The following ZNF674 variants were observed in gnomAD, a reference collection of about 807,000 sequenced individuals.
The protein encoded by ZNF674 is zinc finger protein 674, also known as zinc finger family member 674.
A neutral mutation model predicts 7.0 loss-of-function variants in ZNF674; 2 were observed. The observed-to-expected ratio is 0.29, with a 90% CI of 0.12 to 0.90. The LOEUF (loss-of-function observed/expected upper bound fraction) is 0.90. Ranked by LOEUF, ZNF674 falls within the 40% of genes least tolerant of loss-of-function variation. The probability of loss-of-function intolerance (pLI) is 0.57; values close to 1 mark genes in which losing one functional copy is unlikely to be tolerated. For missense variants in ZNF674, 297 were observed against 415.5 expected (o/e 0.71, Z 2.48); for synonymous variants, 103 against 145.2 (o/e 0.71, Z 2.09).
intron 5 of ZNF674, among the ~76,000 whole-genome samples, chrX:46,510,250 T>A (rs1272122051): frequency 9.1e-6 from 1 of 109,819 alleles, no homozygotes; most frequent in Non-Finnish European, 1.9e-5. Flanking sequence ...GTAACTAACC[T>A]GCACATTGTG....
At chrX:46,502,218 A>T (rs1941445628) in intron 5 of ZNF674, among the ~76,000 whole-genome samples, 1 of 105,231 alleles carries the variant, frequency 9.5e-6, no homozygotes, top group South Asian at 4.4e-4. Flanking sequence ...AGGCAGGAGA[A>T]TTGCTTGAAG....
At chrX:46,529,265 GGA>G (rs1942065540) in intron 3 of ZNF674, 3 of 222,546 alleles carry the variant, frequency 1.3e-5, no homozygotes, top group Non-Finnish European at 2.5e-5. Flanking sequence ...GAACTTTATA[GGA>G]GAAAGAGATA....
At chrX:46,502,375 G>A (rs920950485) in intron 5 of ZNF674, among the ~76,000 whole-genome samples, 3 of 108,863 alleles carry the variant, frequency 2.8e-5, no homozygotes, top group Non-Finnish European at 3.8e-5. Context: ...AGAATTGACC[G>A]ATACATTTAA....
chrX:46,531,346 G>A, intron 3 of ZNF674, among the ~76,000 whole-genome samples: 1 of 111,914 alleles, frequency 8.9e-6, no homozygotes, highest in Non-Finnish European at 1.9e-5. Context: ...CAAACACCAG[G>A]AGGGAGTCAA....
chrX:46,515,246 G>A (rs989808504), intron 5 of ZNF674, among the ~76,000 whole-genome samples: 1 of 109,948 alleles, frequency 9.1e-6, no homozygotes, highest in African/African-American at 3.3e-5. Flanking sequence ...GTGTACGCCT[G>A]TAATCCCAGC....
intron 3 of ZNF674, among the ~76,000 whole-genome samples, chrX:46,537,177 A>G: frequency 9.0e-6 from 1 of 111,318 alleles, no homozygotes; most frequent in East Asian, 2.8e-4. Flanking sequence ...AGGCTGAGAA[A>G]GGAGAATCTC....
intron 3 of ZNF674, among the ~76,000 whole-genome samples, chrX:46,530,370 G>T (rs1810454): frequency 0.27 from 29,092 of 109,101 alleles, 3,192 homozygotes; most frequent in Middle Eastern, 0.37. Context: ...ACCACACTGC[G>T]GAGTGCTAGG....
chrX:46,530,730 C>A (rs778454209), intron 3 of ZNF674, among the ~76,000 whole-genome samples: 2 of 113,286 alleles, frequency 1.8e-5, no homozygotes, highest in Admixed American at 1.9e-4. Flanking sequence ...CTTTTATATG[C>A]TAATGAGATG....
chrX:46,533,405 G>A (rs766365081), intron 3 of ZNF674, among the ~76,000 whole-genome samples: 1 of 111,103 alleles, frequency 9.0e-6, no homozygotes, highest in Non-Finnish European at 1.9e-5. Context: ...TTGCAATGCC[G>A]TGGTCTCAGT....
At chrX:46,540,193 G>C (rs1021580741) in intron 3 of ZNF674, among the ~76,000 whole-genome samples, 1 of 109,413 alleles carries the variant, frequency 9.1e-6, no homozygotes, top group African/African-American at 3.3e-5. Flanking sequence ...GCAGTGAGCC[G>C]AGATTTTGCC....
At chrX:46,501,908 T>TTACA (rs761136086) in intron 5 of ZNF674, among the ~76,000 whole-genome samples, 7 of 104,282 alleles carry the variant, frequency 6.7e-5, no homozygotes, top group African/African-American at 2.5e-4. Flanking sequence ...GCCCTTGCAG[T>TTACA]TATATATATA....
intron 5 of ZNF674, among the ~76,000 whole-genome samples, chrX:46,514,280 G>C (rs917018248): frequency 2.7e-5 from 3 of 110,911 alleles, no homozygotes; most frequent in African/African-American, 9.9e-5. Flanking sequence ...AGGGGACACA[G>C]AGAACTTGGC....
chrX:46,513,050 G>C (rs1353972410), intron 5 of ZNF674, among the ~76,000 whole-genome samples: 1 of 111,010 alleles, frequency 9.0e-6, no homozygotes, highest in Non-Finnish European at 1.9e-5. Flanking sequence ...AGATCACGAG[G>C]TCAAGAGATC....
chrX:46,515,120 A>G (rs1941737445), intron 5 of ZNF674, among the ~76,000 whole-genome samples: 1 of 111,280 alleles, frequency 9.0e-6, no homozygotes, highest in Non-Finnish European at 1.9e-5. Context: ...TATAATCCCA[A>G]CACTCTGGGA....
chrX:46,542,126 C>T lies in ZNF674; in HGVS notation c.-29-10G>A. 8.7e-7 allele frequency: 1 copy of T among 1,146,394 alleles called. No homozygotes were observed. Among genetic ancestry groups the T allele is most frequent in the Non-Finnish European group, 1.2e-6 (1 of 840,461 alleles). 94.5% of individuals were successfully genotyped at this position (1,146,394 alleles called of 1,213,427 possible). A position where few individuals can be genotyped will look rare whatever the true frequency, so the allele number is the denominator to read the frequency against. The stretch of plus-strand genomic sequence containing the variant: ...TGCAAAGGATGGAGATCTACAAATA[C>T]AGAATTAGAAGGGTTGAGTTCAGTG... On this transcript the variant is annotated splice_polypyrimidine_tract_variant and intron_variant, in intron 2 of 5. Transcript: ENST00000683375.
chrX:46,502,699 T>G (rs1259101499), intron 5 of ZNF674, among the ~76,000 whole-genome samples: 1 of 112,090 alleles, frequency 8.9e-6, no homozygotes, highest in East Asian at 2.8e-4. Flanking sequence ...ATACTGGAGT[T>G]AGAGTGTGCT....
chrX:46,510,096 A>C (rs1469671603), intron 5 of ZNF674, among the ~76,000 whole-genome samples: 1 of 92,726 alleles, frequency 1.1e-5, no homozygotes, highest in Non-Finnish European at 2.1e-5. Flanking sequence ...CAATGAGAAC[A>C]CATGGACACA....
At chrX:46,544,302 G>C (rs1197770446) in intron 2 of ZNF674, among the ~76,000 whole-genome samples, 199 bp downstream of exon 2, 1 of 113,049 alleles carries the variant, frequency 8.8e-6, no homozygotes, top group African/African-American at 3.2e-5. Context: ...GCTCTTCTAG[G>C]ACCTGCTGTC....
intron 5 of ZNF674, among the ~76,000 whole-genome samples, chrX:46,526,052 CCA>C (rs1235470867): frequency 8.9e-6 from 1 of 111,899 alleles, no homozygotes; most frequent in Admixed American, 9.5e-5. Flanking sequence ...TATCAATGAT[CCA>C]CAGATTCAGT....
Sources: allele counts gnomAD v4.1 joint callset (sites outside exome capture counted in the v4.1 genomes callset), GRCh38; gene constraint gnomAD v4.1.1; transcripts MANE v1.5; gene names NCBI Gene and HGNC (gene_info 2026-07-23, HGNC 2026-07-21).